Variants in TPRG1 observed in about 807,000 individuals in gnomAD.
The protein encoded by TPRG1 is tumor protein p63 regulated 1, also known as tumor protein p63-regulated gene 1 protein.
In TPRG1, 29 loss-of-function variants were observed where a neutral mutation model predicts 29.3. That is an observed-to-expected ratio of 0.99 (90% CI 0.74 to 1.35). TPRG1 has a LOEUF of 1.35. Ranked by LOEUF, TPRG1 falls within the 40% of genes most tolerant of loss-of-function variation. The pLI is 0.00. For missense variants in TPRG1, 327 were observed against 335.0 expected (o/e 0.98, Z 0.19); for synonymous variants, 130 against 116.8 (o/e 1.11, Z -0.73).
chr3:189,040,864 T>C (rs1714589501), intron 4 of TPRG1, among the ~76,000 whole-genome samples: 1 of 152,168 alleles, frequency 6.6e-6, no homozygotes, highest in Admixed American at 6.5e-5. Context: ...CTTCCTCTAT[T>C]GCTCAGAGGC....
chr3:189,016,287 T>A (rs1309183833), intron 3 of TPRG1, among the ~76,000 whole-genome samples: 1 of 152,132 alleles, frequency 6.6e-6, no homozygotes, highest in Non-Finnish European at 1.5e-5. Context: ...TTTGGCCAAT[T>A]CCTTCCATTT....
chr3:189,196,446 C>T (rs1158310227), intron 1 of TPRG1, among the ~76,000 whole-genome samples: 4 of 152,138 alleles, frequency 2.6e-5, no homozygotes, highest in Admixed American at 2.6e-4. Flanking sequence ...CTCACAGTTC[C>T]ACATGGCTGG....
intron 1 of TPRG1, among the ~76,000 whole-genome samples, chr3:189,118,167 G>A (rs1365983646): frequency 6.6e-6 from 1 of 152,152 alleles, no homozygotes; most frequent in Admixed American, 6.5e-5. Flanking sequence ...TCTAGGCTGA[G>A]GTGGCCTCAG....
chr3:189,083,011 G>A (rs1442063845), intron 4 of TPRG1, among the ~76,000 whole-genome samples: 6 of 152,308 alleles, frequency 3.9e-5, no homozygotes, highest in Non-Finnish European at 2.9e-5. Context: ...AAGAAAAAGG[G>A]AGAAGATGGC....
chr3:189,110,447 A>G (rs1280850702), intron 1 of TPRG1, among the ~76,000 whole-genome samples: 1 of 152,086 alleles, frequency 6.6e-6, no homozygotes, highest in African/African-American at 2.4e-5. Flanking sequence ...TTACAAGTCC[A>G]TATCAAACAT....
At chr3:189,238,984 G>A (rs1740039565) in intron 4 of TPRG1, 75 bp downstream of exon 4, 1 of 1,391,600 alleles carries the variant, frequency 7.2e-7, no homozygotes, top group East Asian at 2.4e-5. Context: ...CGAAAATTCA[G>A]TTTGGCCCTG....
intron 4 of TPRG1, among the ~76,000 whole-genome samples, chr3:189,299,180 T>C (rs1286238806): frequency 1.3e-5 from 2 of 152,032 alleles, no homozygotes; most frequent in African/African-American, 4.8e-5. Context: ...TACACAAACC[T>C]GAGGCCAGTG....
chr3:189,045,620 G>A (rs375509035), intron 4 of TPRG1, among the ~76,000 whole-genome samples: 1 of 152,000 alleles, frequency 6.6e-6, no homozygotes, highest in Non-Finnish European at 1.5e-5. Flanking sequence ...AATAGAAGCT[G>A]GTACAGAATA....
chr3:189,211,225 A>G (rs1004671086), intron 2 of TPRG1, among the ~76,000 whole-genome samples: 4 of 152,194 alleles, frequency 2.6e-5, no homozygotes, highest in African/African-American at 4.8e-5. Context: ...ATGGGAATAT[A>G]CTATAATTTA....
chr3:189,125,066 T>C (rs1722292759), intron 1 of TPRG1, among the ~76,000 whole-genome samples: 1 of 152,232 alleles, frequency 6.6e-6, no homozygotes, highest in South Asian at 2.1e-4. Context: ...TTACTTCTTG[T>C]TTTCCAATAT....
chr3:189,304,453 G>T (rs1391075435), intron 4 of TPRG1, among the ~76,000 whole-genome samples: 1 of 151,876 alleles, frequency 6.6e-6, no homozygotes, highest in African/African-American at 2.4e-5. Flanking sequence ...CAATTTCTTG[G>T]TTACCCTTGC....
chr3:189,228,597 A>T (rs1440214718), intron 3 of TPRG1, among the ~76,000 whole-genome samples: 1 of 152,322 alleles, frequency 6.6e-6, no homozygotes, highest in East Asian at 1.9e-4. Context: ...AACAAAAAAG[A>T]GGAAAACTTT....
Position 189,319,136 on chromosome 3 carries a change from T to C in TPRG1, c.634-1490T>C, listed in dbSNP as rs112701647. On this transcript the variant is annotated intron_variant, in intron 5 of 5. Transcript: ENST00000345063. ...TTTCCTGAATTTAATTCCTACTCTCTGTCCCATATCCTATCATGTTTAGGC... is the reference window on the plus strand; with the variant it reads ...TTTCCTGAATTTAATTCCTACTCTCCGTCCCATATCCTATCATGTTTAGGC... Among the ~76,000 whole-genome samples, 71 of 152,328 alleles carry C rather than the reference T, an allele frequency of 4.7e-4. 1 individual carries two copies. The highest frequency in any genetic ancestry group is 1.7e-3 in the African/African-American group (71 of 41,580).
At chr3:189,116,178 T>C (rs1433985193) in intron 1 of TPRG1, among the ~76,000 whole-genome samples, 1 of 152,098 alleles carries the variant, frequency 6.6e-6, no homozygotes, top group Non-Finnish European at 1.5e-5. Context: ...GAAGATATTA[T>C]TATTATTATT....
chr3:189,058,417 A>ATT (rs1715875598), intron 4 of TPRG1, among the ~76,000 whole-genome samples: 1 of 152,222 alleles, frequency 6.6e-6, no homozygotes, highest in East Asian at 1.9e-4. Context: ...ACACAGTAAT[A>ATT]GGCGGAAAGT....
At chr3:189,158,515 A>G (rs1727000963) in intron 5 of TPRG1, among the ~76,000 whole-genome samples, 2 of 152,154 alleles carry the variant, frequency 1.3e-5, no homozygotes, top group African/African-American at 4.8e-5. Flanking sequence ...AGGCTGAGGC[A>G]GGAGAATTGC....
intron 1 of TPRG1, among the ~76,000 whole-genome samples, chr3:189,198,514 C>T (rs887592498): frequency 6.6e-6 from 1 of 152,214 alleles, no homozygotes; most frequent in African/African-American, 2.4e-5. Context: ...ATTACTCGGT[C>T]CACAAACATT....
chr3:189,003,050 C>T (rs1221797148), intron 2 of TPRG1, among the ~76,000 whole-genome samples: 1 of 152,068 alleles, frequency 6.6e-6, no homozygotes, highest in African/African-American at 2.4e-5. Flanking sequence ...GAAATATGAG[C>T]TCGGCTTAAC....
chr3:189,257,974 T>C (rs1047417589), intron 4 of TPRG1, among the ~76,000 whole-genome samples: 2 of 152,208 alleles, frequency 1.3e-5, no homozygotes, highest in Admixed American at 6.5e-5. Flanking sequence ...GAGTTTGTTA[T>C]TGCCTACCTT....
Sources: allele counts gnomAD v4.1 joint callset (sites outside exome capture counted in the v4.1 genomes callset), GRCh38; gene constraint gnomAD v4.1.1; transcripts MANE v1.5; gene names NCBI Gene and HGNC (gene_info 2026-07-23, HGNC 2026-07-21).